The following PLPPR1 variants were observed in gnomAD, a reference collection of about 807,000 sequenced individuals.
PLPPR1 encodes phospholipid phosphatase-related protein type 1.
PLPPR1 carries 10 observed loss-of-function variants against 33.1 expected under a neutral mutation model. The ratio of observed to expected loss-of-function variants is 0.30; its 90% CI spans 0.19 to 0.51. PLPPR1 has a LOEUF of 0.51. Among genes scored for constraint, PLPPR1 ranks in the 20% least tolerant of loss-of-function variants. The probability of loss-of-function intolerance (pLI) is 0.97; values close to 1 mark genes in which losing one functional copy is unlikely to be tolerated. For synonymous variants in PLPPR1, 151 were observed against 151.0 expected (o/e 1.00, Z 0.00); for missense variants, 304 against 408.1 (o/e 0.74, Z 2.20).
At chr9:101,039,822 G>A (rs1167893826) in intron 1 of PLPPR1, among the ~76,000 whole-genome samples, 1 of 151,226 alleles carries the variant, frequency 6.6e-6, no homozygotes, top group South Asian at 2.1e-4. Flanking sequence ...CCATAATTTA[G>A]TCACCTCCCA....
intron 2 of PLPPR1, among the ~76,000 whole-genome samples, chr9:101,221,411 C>G (rs1826935958): frequency 6.6e-6 from 1 of 152,198 alleles, no homozygotes; most frequent in Non-Finnish European, 1.5e-5. Context: ...CTACCCTGCT[C>G]TTTGGAGAGG....
intron 5 of PLPPR1, among the ~76,000 whole-genome samples, chr9:101,310,933 T>A (rs1250173376): frequency 6.6e-6 from 1 of 152,224 alleles, no homozygotes; most frequent in African/African-American, 2.4e-5. Context: ...TAAATGTCTT[T>A]GCTTTATCAA....
At chr9:101,280,822 A>G (rs866974390) in intron 3 of PLPPR1, among the ~76,000 whole-genome samples, 1 of 152,182 alleles carries the variant, frequency 6.6e-6, no homozygotes, top group African/African-American at 2.4e-5. Flanking sequence ...AACATACTGA[A>G]TGGGCAAAAA....
chr9:101,238,242 A>C (rs984260626), intron 2 of PLPPR1, among the ~76,000 whole-genome samples: 1 of 135,488 alleles, frequency 7.4e-6, no homozygotes. Context: ...ATATATACCT[A>C]TATAGAGAGA....
intron 5 of PLPPR1, 149 bp downstream of exon 5, chr9:101,309,610 C>G (rs1327170745): frequency 1.3e-6 from 1 of 781,892 alleles, no homozygotes. Flanking sequence ...GATATACTAG[C>G]CCCCCCACAC....
At chr9:101,267,694 AGATGGTTAGAAATTT>A (rs757655332) in intron 2 of PLPPR1, among the ~76,000 whole-genome samples, 6 of 152,020 alleles carry the variant, frequency 3.9e-5, no homozygotes, top group Admixed American at 1.3e-4. Flanking sequence ...CCTTTAGATA[AGATGGTTAGAAATTT>A]GTACTTGAAG....
chr9:101,188,804 A>G (rs968201398), intron 2 of PLPPR1, among the ~76,000 whole-genome samples: 1 of 152,086 alleles, frequency 6.6e-6, no homozygotes, highest in Non-Finnish European at 1.5e-5. Context: ...CAATAGCTCC[A>G]TGATTCTCTT....
At chr9:101,300,707 A>G (rs1828736324) in intron 4 of PLPPR1, among the ~76,000 whole-genome samples, 1 of 152,122 alleles carries the variant, frequency 6.6e-6, no homozygotes, top group African/African-American at 2.4e-5. Flanking sequence ...AGGCCTCAAT[A>G]TTCCTATATT....
At chr9:101,126,163 C>T (rs1219463705) in intron 1 of PLPPR1, among the ~76,000 whole-genome samples, 3 of 152,188 alleles carry the variant, frequency 2.0e-5, no homozygotes, top group Admixed American at 2.0e-4. Flanking sequence ...ATTAGTACTA[C>T]CAAAGCCTCC....
intron 1 of PLPPR1, among the ~76,000 whole-genome samples, chr9:101,128,789 C>A (rs1484101179): frequency 5.3e-5 from 8 of 152,010 alleles, no homozygotes; most frequent in African/African-American, 1.2e-4. Flanking sequence ...ACAACATAAC[C>A]CTCTGTGATG....
At chr9:101,117,017 G>A (rs1299381873) in intron 1 of PLPPR1, among the ~76,000 whole-genome samples, 2 of 151,940 alleles carry the variant, frequency 1.3e-5, no homozygotes, top group African/African-American at 2.4e-5. Context: ...TCATATCATC[G>A]TTCCTATTCA....
At chr9:101,128,244 C>T (rs1371410221) in intron 1 of PLPPR1, among the ~76,000 whole-genome samples, 1 of 152,136 alleles carries the variant, frequency 6.6e-6, no homozygotes, top group Non-Finnish European at 1.5e-5. Flanking sequence ...CCAGAACATT[C>T]AGCTGTAGAG....
At chr9:101,279,027 A>G (rs1828248320) in intron 3 of PLPPR1, among the ~76,000 whole-genome samples, 1 of 152,218 alleles carries the variant, frequency 6.6e-6, no homozygotes, top group Non-Finnish European at 1.5e-5. Context: ...CGCAGCCCCA[A>G]GAACAATCAG....
intron 1 of PLPPR1, among the ~76,000 whole-genome samples, chr9:101,171,780 C>T (rs904150655): frequency 6.6e-6 from 1 of 152,014 alleles, no homozygotes; most frequent in East Asian, 1.9e-4. Context: ...AAATTAAATG[C>T]AAATTAATTT....
intron 2 of PLPPR1, among the ~76,000 whole-genome samples, chr9:101,248,767 C>T (rs575827045): frequency 8.3e-4 from 127 of 152,178 alleles, no homozygotes; most frequent in African/African-American, 2.9e-3. Flanking sequence ...AACGAAAATA[C>T]TGTATCTGCT....
chr9:101,267,052 C>G (rs1464045898), intron 2 of PLPPR1, among the ~76,000 whole-genome samples: 1 of 152,164 alleles, frequency 6.6e-6, no homozygotes, highest in Admixed American at 6.5e-5. Flanking sequence ...TGTTTCCAGC[C>G]ACATGGATGA....
chr9:101,112,090 A>T (rs1831064160), intron 1 of PLPPR1, among the ~76,000 whole-genome samples: 1 of 152,200 alleles, frequency 6.6e-6, no homozygotes, highest in Admixed American at 6.5e-5. Context: ...GTCAACTGAG[A>T]ATCATATTTA....
At chr9:101,094,827 A>G (rs1224514392) in intron 1 of PLPPR1, among the ~76,000 whole-genome samples, 1 of 152,098 alleles carries the variant, frequency 6.6e-6, no homozygotes, top group African/African-American at 2.4e-5. Flanking sequence ...ACCAACCCAC[A>G]ATCCCATTTT....
At chr9:101,219,077 C>T (rs1826867534) in intron 2 of PLPPR1, among the ~76,000 whole-genome samples, 2 of 152,194 alleles carry the variant, frequency 1.3e-5, no homozygotes, top group Admixed American at 1.3e-4. Flanking sequence ...TGAACACGCT[C>T]CTCCATCCGG....
Sources: gnomAD v4.1 joint callset for allele counts (sites outside exome capture counted in the v4.1 genomes callset) on GRCh38, gnomAD v4.1.1 for gene constraint, MANE v1.5 for transcripts, NCBI Gene and HGNC (gene_info 2026-07-23, HGNC 2026-07-21) for gene names.